ESRRG: variants seen among roughly 807,000 people sequenced by gnomAD.
ESRRG encodes the protein estrogen-related receptor gamma.
ESRRG carries 13 observed loss-of-function variants against 44.0 expected under a neutral mutation model. The ratio of observed to expected loss-of-function variants is 0.30; its 90% CI spans 0.19 to 0.47. The LOEUF (loss-of-function observed/expected upper bound fraction) is 0.47. Among genes scored for constraint, ESRRG ranks in the 20% least tolerant of loss-of-function variants. ESRRG has a pLI of 1.00. For synonymous variants in ESRRG, 215 were observed against 214.6 expected, an observed-to-expected ratio of 1.00 and a Z score of -0.02; for missense variants, 395 against 580.6, an observed-to-expected ratio of 0.68 and a Z score of 3.29.
At position 216,634,557 on chromosome 1, in the gene ESRRG, T is replaced by A. The variant is rs185586333; in HGVS notation, c.589+16416A>T. 1.4e-4 allele frequency among the ~76,000 whole-genome samples: 21 copies of A among 152,318 alleles called. No individual in the cohort carries two copies. The East Asian group carries it at 3.7e-3, about 27-fold the overall frequency. ...GAAGTCTTCACAAACTGCATCCAAATCCTTTTTCTAACTTCATTAAGCTCC... is the reference window on the plus strand; with the variant it reads ...GAAGTCTTCACAAACTGCATCCAAAACCTTTTTCTAACTTCATTAAGCTCC... On this transcript the variant is annotated intron_variant, in intron 3 of 6. Transcript: ENST00000408911.
At chr1:216,662,540 T>C (rs916706915) in intron 2 of ESRRG, among the ~76,000 whole-genome samples, 1 of 152,036 alleles carries the variant, frequency 6.6e-6, no homozygotes, top group Admixed American at 6.6e-5. Context: ...TGAACTGTCT[T>C]CTATGTTAGG....
At chr1:217,107,937 C>T (rs1236091918) in intron 1 of ESRRG, among the ~76,000 whole-genome samples, 1 of 151,926 alleles carries the variant, frequency 6.6e-6, no homozygotes, top group Non-Finnish European at 1.5e-5. Flanking sequence ...TCTTCATAAA[C>T]AGACTAGCCC....
At chr1:216,631,852 T>C (rs948735346) in intron 3 of ESRRG, among the ~76,000 whole-genome samples, 1 of 152,084 alleles carries the variant, frequency 6.6e-6, no homozygotes, top group Non-Finnish European at 1.5e-5. Flanking sequence ...CAAGGAAAAC[T>C]GAGAAGCTCT....
intron 2 of ESRRG, among the ~76,000 whole-genome samples, chr1:216,857,245 A>G (rs972707926): frequency 4.6e-5 from 7 of 152,026 alleles, no homozygotes; most frequent in Non-Finnish European, 1.0e-4. Flanking sequence ...AAACCTAAAA[A>G]TGACAATCTG....
chr1:216,638,893 G>A (rs1306876001), intron 3 of ESRRG, among the ~76,000 whole-genome samples: 2 of 152,176 alleles, frequency 1.3e-5, no homozygotes, highest in Admixed American at 1.3e-4. Flanking sequence ...TAAAGAACAG[G>A]ATGTACTTCT....
At chr1:217,078,599 G>A (rs1050284713) in intron 1 of ESRRG, among the ~76,000 whole-genome samples, 2 of 152,158 alleles carry the variant, frequency 1.3e-5, no homozygotes, top group Non-Finnish European at 2.9e-5. Context: ...ACCACACACT[G>A]TTACTGGCTG....
At chr1:217,063,805 G>A (rs1167361555) in intron 1 of ESRRG, among the ~76,000 whole-genome samples, 2 of 152,066 alleles carry the variant, frequency 1.3e-5, no homozygotes, top group Admixed American at 6.6e-5. Context: ...CAAAGCATTG[G>A]GGTAGAGACA....
intron 1 of ESRRG, among the ~76,000 whole-genome samples, chr1:217,012,053 A>C (rs2078695201): frequency 6.6e-6 from 1 of 152,190 alleles, no homozygotes; most frequent in African/African-American, 2.4e-5. Flanking sequence ...TCTTTTTAAG[A>C]AGATGAGTAC....
At chr1:216,507,473 C>T (rs2041485476) in intron 6 of ESRRG, among the ~76,000 whole-genome samples, 1 of 152,176 alleles carries the variant, frequency 6.6e-6, no homozygotes, top group Non-Finnish European at 1.5e-5. Context: ...TAACAGATTA[C>T]AGTCTTGACT....
intron 2 of ESRRG, among the ~76,000 whole-genome samples, chr1:216,669,956 A>G (rs1024048330): frequency 3.3e-5 from 5 of 152,212 alleles, no homozygotes; most frequent in Non-Finnish European, 7.3e-5. Flanking sequence ...TTACTTCTAT[A>G]TTTAATTTAA....
chr1:216,771,088 C>T (rs1170066055), intron 2 of ESRRG, among the ~76,000 whole-genome samples: 1 of 152,142 alleles, frequency 6.6e-6, no homozygotes, highest in African/African-American at 2.4e-5. Flanking sequence ...GATCCTCCTG[C>T]TCCAGCCTCC....
chr1:216,741,057 C>G (rs2152224822), intron 2 of ESRRG, among the ~76,000 whole-genome samples: 1 of 151,652 alleles, frequency 6.6e-6, no homozygotes, highest in Admixed American at 6.6e-5. Context: ...AGTCCCCCCT[C>G]TCTCTTCTTT....
chr1:216,539,848 A>G (rs2052167610), intron 5 of ESRRG, among the ~76,000 whole-genome samples: 1 of 152,098 alleles, frequency 6.6e-6, no homozygotes, highest in Non-Finnish European at 1.5e-5. Context: ...AAAAAAGCGA[A>G]TTAAGTTAAT....
At chr1:216,510,741 C>A (rs1009388379) in intron 6 of ESRRG, among the ~76,000 whole-genome samples, 2 of 151,936 alleles carry the variant, frequency 1.3e-5, no homozygotes, top group African/African-American at 4.8e-5. Flanking sequence ...AAAAATTAGC[C>A]GGGCGTAGTG....
intron 1 of ESRRG, among the ~76,000 whole-genome samples, chr1:216,966,558 G>A (rs1209957321): frequency 1.3e-5 from 2 of 152,152 alleles, no homozygotes; most frequent in African/African-American, 4.8e-5. Context: ...AGGCTCACCT[G>A]TAAGGAATTT....
intron 5 of ESRRG, among the ~76,000 whole-genome samples, chr1:216,559,530 A>T (rs2058293079): frequency 6.6e-6 from 1 of 152,254 alleles, no homozygotes; most frequent in Non-Finnish European, 1.5e-5. Context: ...TATGACTAAC[A>T]TATGGTATAA....
At chr1:217,081,273 G>A (rs2091753822) in intron 1 of ESRRG, among the ~76,000 whole-genome samples, 1 of 98,978 alleles carries the variant, frequency 1.0e-5, no homozygotes, top group South Asian at 3.6e-4. Flanking sequence ...TGTTGCCCAG[G>A]CTGGAGTGCA....
At chr1:216,936,552 G>A (rs1223976490) in intron 2 of ESRRG, 1 of 151,858 alleles carries the variant, frequency 6.6e-6, no homozygotes, top group Admixed American at 6.6e-5. Context: ...TATATAGCCA[G>A]ACCATATACT....
At chr1:216,857,781 A>G (rs2095976261) in intron 2 of ESRRG, among the ~76,000 whole-genome samples, 1 of 152,038 alleles carries the variant, frequency 6.6e-6, no homozygotes, top group South Asian at 2.1e-4. Context: ...TTCACCAAAA[A>G]TGACACGCCC....
Sources: allele counts gnomAD v4.1 joint callset (sites outside exome capture counted in the v4.1 genomes callset), GRCh38; gene constraint gnomAD v4.1.1; transcripts MANE v1.5; gene names NCBI Gene and HGNC (gene_info 2026-07-23, HGNC 2026-07-21).